The following JUP variants were observed in gnomAD, a reference collection of about 807,000 sequenced individuals.
JUP encodes junction plakoglobin.
In JUP, 28 loss-of-function variants were observed where a neutral mutation model predicts 71.1. The ratio of observed to expected loss-of-function variants is 0.39; its 90% confidence interval spans 0.29 to 0.54. JUP has a LOEUF of 0.54. JUP is among the 20% of genes least tolerant of loss of function. The pLI is 0.62. For synonymous variants in JUP, 401 were observed against 438.9 expected (o/e 0.91, Z 1.08); for missense variants, 869 against 1,030.1 (o/e 0.84, Z 2.14).
intron 1 of JUP, chr17:41,772,827 A>C: frequency 1.0e-6 from 1 of 985,424 alleles, no homozygotes; most frequent in Non-Finnish European, 1.2e-6. Context: ...CCTGAAGGTT[A>C]ATGAGTAGCA....
At chr17:41,762,206 T>TG (rs1915004860) in intron 8 of JUP, among the ~76,000 whole-genome samples, 79 of 125,432 alleles carry the variant, frequency 6.3e-4, no homozygotes, top group African/African-American at 1.6e-3. Context: ...TGTGTGTGTG[T>TG]TTTAGATTGT....
chr17:41,756,084 CTGGCCCCGGAGACATA>C, intron 13 of JUP, 75 bp downstream of exon 13: 1 of 1,409,868 alleles, frequency 7.1e-7, no homozygotes, highest in South Asian at 1.2e-5. Context: ...CACTGGTCCT[CTGGCCCCGGAGACATA>C]ATATTGTCCC....
rs782145797 is a variant in JUP, at chr17:41,764,988, G to T, written c.989C>A (p.Thr330Asn). ...TAGCACCTTGAGCACACGACTGGTGGTCCAGAGCAGCTTTTCATAACTGTA... is the reference window on the plus strand; with the variant it reads ...TAGCACCTTGAGCACACGACTGGTGTTCCAGAGCAGCTTTTCATAACTGTA... Reference protein sequence around the residue: ...RNYSYEKLLWTTSRVLKVLSV... With the variant: ...RNYSYEKLLWNTSRVLKVLSV... The change falls in exon 6 of 14, where the codon ACC becomes AAC. Residue 330 changes from threonine (T) to asparagine (N), a missense_variant. By Grantham distance (65) the Thr-to-Asn change is moderately conservative. Coordinates refer to ENST00000393931, the MANE Select transcript of JUP (RefSeq NM_002230.4). 6.2e-6 allele frequency: 10 copies of T among 1,614,046 alleles called. No individual in the cohort carries two copies. In the African/African-American group the frequency reaches 1.3e-4, roughly 22 times the overall value.
At chr17:41,773,006 G>A in intron 1 of JUP, 1 of 985,476 alleles carries the variant, frequency 1.0e-6, no homozygotes, top group South Asian at 4.7e-5. Flanking sequence ...ATGCTCATGG[G>A]CGGGTTTCAA....
chr17:41,785,817 C>G (rs1419024628), intron 1 of JUP: 1 of 152,306 alleles, frequency 6.6e-6, no homozygotes, highest in Non-Finnish European at 1.5e-5. Context: ...CAGACCCCAC[C>G]CCCCAGACCC....
At chr17:41,769,813 G>T in intron 2 of JUP, 136 bp from the exon 3 acceptor site, 1 of 954,662 alleles carries the variant, frequency 1.0e-6, no homozygotes, top group Non-Finnish European at 1.5e-6. Flanking sequence ...GCACATGACT[G>T]GCCATTCTAC....
At chr17:41,775,959 A>G (rs1555608513) in intron 1 of JUP, 2 of 984,690 alleles carry the variant, frequency 2.0e-6, no homozygotes, top group African/African-American at 3.5e-5. Context: ...CCTGACATTA[A>G]AAATAGCCCC....
chr17:41,759,670 G>C (rs1555600274), intron 8 of JUP, among the ~76,000 whole-genome samples: 1 of 152,168 alleles, frequency 6.6e-6, no homozygotes, highest in Non-Finnish European at 1.5e-5. Flanking sequence ...ACTCAGAGGA[G>C]CCACTCTGGC....
At chr17:41,766,597 G>T (rs114733757) in intron 5 of JUP, among the ~76,000 whole-genome samples, 1 of 151,978 alleles carries the variant, frequency 6.6e-6, no homozygotes, top group Non-Finnish European at 1.5e-5. Flanking sequence ...TCTCATGCCT[G>T]TAATCCCAGC....
At chr17:41,764,534 G>GGAAAAAAAAAAAAAAAAAAAAAAA (rs60346985) in intron 7 of JUP, among the ~76,000 whole-genome samples, 179 bp downstream of exon 7, 1 of 83,910 alleles carries the variant, frequency 1.2e-5, no homozygotes. Flanking sequence ...GACTCCGTCA[G>GGAAAAAAAAAAAAAAAAAAAAAAA]AAAAAAAAAA....
At chr17:41,786,317 C>T (rs1198513032) in intron 1 of JUP, 1 of 152,294 alleles carries the variant, frequency 6.6e-6, no homozygotes, top group African/African-American at 2.4e-5. Context: ...GCTGCGCGGG[C>T]CCCGGGGGAG....
intron 1 of JUP, among the ~76,000 whole-genome samples, chr17:41,778,302 C>T: frequency 6.6e-6 from 1 of 152,278 alleles, no homozygotes; most frequent in South Asian, 2.1e-4. Flanking sequence ...CAGTGGCTCA[C>T]CCCTGTAATC....
Position 41,773,112 on chromosome 17 carries a change from T to C in JUP, c.-8-1250A>G, listed in dbSNP as rs562164644. Reference sequence around the variant, plus strand: ...CCAGGTGTGAGGGCACCAAGGTCTGTAGTCTTTGCACATCCCGGCGCAGCC... The same window carrying C: ...CCAGGTGTGAGGGCACCAAGGTCTGCAGTCTTTGCACATCCCGGCGCAGCC... On this transcript the variant is annotated intron_variant, in intron 1 of 13. Coordinates refer to ENST00000393931, the MANE Select transcript of JUP (RefSeq NM_002230.4). 1.8e-5 allele frequency: 9 copies of C among 510,360 alleles called. No homozygotes were observed. In the South Asian group the frequency reaches 6.7e-4, roughly 38 times the overall value. The allele number at this position is 510,360 out of a possible 1,614,324, so 31.6% of individuals were successfully genotyped here. A position where few individuals can be genotyped will look rare whatever the true frequency, so the allele number is the denominator to read the frequency against.
intron 10 of JUP, chr17:41,758,088 T>C (rs1914161229): frequency 1.9e-6 from 1 of 529,744 alleles, no homozygotes; most frequent in Non-Finnish European, 3.3e-6. Context: ...CCCAGTTTGC[T>C]GATTTTTTAA....
chr17:41,778,225 C>A (rs1345848615), intron 1 of JUP, among the ~76,000 whole-genome samples: 2 of 152,092 alleles, frequency 1.3e-5, no homozygotes, highest in East Asian at 3.9e-4. Flanking sequence ...GTTTATTGTA[C>A]AACACATGCT....
At chr17:41,758,894 CA>C (rs781819824) in intron 8 of JUP, 24 bp from the exon 9 acceptor site, 4 of 1,599,380 alleles carry the variant, frequency 2.5e-6, no homozygotes, top group South Asian at 1.1e-5. Flanking sequence ...GGGCAGTGAT[CA>C]GGGGCACTTC....
intron 1 of JUP, among the ~76,000 whole-genome samples, chr17:41,780,355 C>A (rs1555609968): frequency 6.6e-6 from 1 of 151,700 alleles, no homozygotes; most frequent in Non-Finnish European, 1.5e-5. Flanking sequence ...TGTGATCACG[C>A]CACTGCACTC....
chr17:41,767,625 T>C (rs782804935), intron 4 of JUP, 45 bp from the exon 5 acceptor site: 2 of 1,505,092 alleles, frequency 1.3e-6, no homozygotes, highest in Non-Finnish European at 1.8e-6. Flanking sequence ...CCCAGAGGCC[T>C]GGCATACATG....
chr17:41,776,104 G>T, intron 1 of JUP: 1 of 418,018 alleles, frequency 2.4e-6, no homozygotes, highest in Non-Finnish European at 3.2e-6. Context: ...TTACCCCAGA[G>T]GCCGTGCTGG....
Sources: gnomAD v4.1 joint callset for allele counts (sites outside exome capture counted in the v4.1 genomes callset) on GRCh38, gnomAD v4.1.1 for gene constraint, MANE v1.5 for transcripts, NCBI Gene and HGNC (gene_info 2026-07-23, HGNC 2026-07-21) for gene names.